The following ARHGAP31 variants were observed in gnomAD, a reference collection of about 807,000 sequenced individuals.
ARHGAP31 encodes rho GTPase-activating protein 31.
Under a neutral mutation model 113.9 loss-of-function variants are expected in ARHGAP31, and 34 were observed. That is an observed-to-expected ratio of 0.30 (90% CI 0.23 to 0.40). The LOEUF (loss-of-function observed/expected upper bound fraction) is 0.40, where lower values mean the gene tolerates loss of function less well. ARHGAP31 is among the 10% of genes least tolerant of loss of function. The pLI, the probability that ARHGAP31 is intolerant of heterozygous loss-of-function variation, is 1.00. For missense variants in ARHGAP31, 1,548 were observed against 1,767.1 expected, an observed-to-expected ratio of 0.88 and a Z score of 2.22; for synonymous variants, 650 against 684.8, an observed-to-expected ratio of 0.95 and a Z score of 0.79.
intron 11 of ARHGAP31, among the ~76,000 whole-genome samples, chr3:119,413,080 G>A (rs9682806): frequency 0.059 from 8,936 of 152,144 alleles, 295 homozygotes; most frequent in Non-Finnish European, 0.074. Context: ...CACTTTGGGA[G>A]GCCAAGGTGG....
rs1211864993 is a variant in ARHGAP31 at position 119,415,721 on chromosome 3, G to T, written c.3792G>T (p.Lys1264Asn). 1.9e-6 allele frequency: 3 copies of T among 1,613,936 alleles called. No individual in the cohort carries two copies. In the East Asian group the frequency reaches 6.7e-5, roughly 36 times the overall value. ...AAAGCTCAAAGGAAGAAAAACCAAAGCAAGATCCCGGAGCCATTAAGTCCT... is the reference window on the plus strand; with the variant it reads ...AAAGCTCAAAGGAAGAAAAACCAAATCAAGATCCCGGAGCCATTAAGTCCT... The part of the protein sequence containing the change: ...SLESSKEEKP[K>N]QDPGAIKSSP... Residue 1264 changes from lysine to asparagine, a missense_variant, in exon 12 of 12, where the codon AAG (lysine) becomes AAT (asparagine). By Grantham distance (94) the Lys-to-Asn change is moderately conservative (BLOSUM62 0). Transcript: ENST00000264245.
chr3:119,345,112 G>GT (rs1293191936), intron 1 of ARHGAP31, among the ~76,000 whole-genome samples: 1 of 151,664 alleles, frequency 6.6e-6, no homozygotes. Context: ...AGCCTCCTGA[G>GT]TAACTGGGAC....
intron 1 of ARHGAP31, among the ~76,000 whole-genome samples, chr3:119,336,371 GT>G (rs2079947232): frequency 7.0e-6 from 1 of 142,454 alleles, no homozygotes; most frequent in Admixed American, 7.0e-5. Flanking sequence ...ACATCAGCCA[GT>G]CGCTAGATGG....
In ARHGAP31 at chr3:119,324,106, G is replaced by A. The variant is rs568985484; in HGVS notation, c.100+29102G>A. On this transcript the variant is annotated intron_variant, in intron 1 of 11. Coordinates refer to ENST00000264245, the MANE Select transcript of ARHGAP31 (RefSeq NM_020754.4). ...CTACACCGAAGGGGTGAAGTCCTGGGACTCTGTTATGCCCATCTGTATGTA... is the reference window on the plus strand; with the variant it reads ...CTACACCGAAGGGGTGAAGTCCTGGAACTCTGTTATGCCCATCTGTATGTA... 2.0e-5 allele frequency among the ~76,000 whole-genome samples: 3 copies of A among 152,188 alleles called. No homozygotes were observed. The South Asian group carries it at 6.2e-4, about 32-fold the overall frequency.
intron 6 of ARHGAP31, among the ~76,000 whole-genome samples, chr3:119,387,819 A>G (rs1003511827): frequency 6.6e-6 from 1 of 152,236 alleles, no homozygotes; most frequent in Admixed American, 6.5e-5. Context: ...AAGGATATAT[A>G]AGTTTACAAA....
Position 119,414,936 on chromosome 3 carries a change from G to A in ARHGAP31, c.3007G>A (p.Ala1003Thr), listed in dbSNP as rs761910919. ...AGAGATTACTGGATGGGATGAGAAA[G>A]CCCTGAGGTCCTTCAGAGAGTTCTC... ...RREITGWDEKALRSFREFSGL... is the reference protein window; with the variant it reads ...RREITGWDEKTLRSFREFSGL... The change falls in exon 12 of 12, where the codon GCC becomes ACC. Residue 1003 changes from alanine to threonine, a missense_variant. By Grantham distance (58) the Ala-to-Thr change is moderately conservative (BLOSUM62 0). Coordinates refer to ENST00000264245, the MANE Select transcript of ARHGAP31 (RefSeq NM_020754.4). 1.9e-6 allele frequency: 3 copies of A among 1,614,082 alleles called. No homozygotes were observed. Among genetic ancestry groups the A allele is most frequent in the African/African-American group, 2.7e-5 (2 of 74,938 alleles).
chr3:119,329,570 C>T (rs968623772), intron 1 of ARHGAP31, among the ~76,000 whole-genome samples: 3 of 152,220 alleles, frequency 2.0e-5, no homozygotes, highest in Admixed American at 2.0e-4. Flanking sequence ...TTTCTCCCCT[C>T]CTCCTTTGCA....
intron 1 of ARHGAP31, among the ~76,000 whole-genome samples, chr3:119,337,204 A>G (rs917460478): frequency 2.6e-5 from 4 of 152,042 alleles, no homozygotes; most frequent in African/African-American, 9.7e-5. Context: ...GTTTATCTGG[A>G]GTTTGTTCCT....
At chr3:119,326,841 T>G (rs1401574891) in intron 1 of ARHGAP31, among the ~76,000 whole-genome samples, 1 of 152,188 alleles carries the variant, frequency 6.6e-6, no homozygotes, top group African/African-American at 2.4e-5. Context: ...CCTTTGTGGC[T>G]TAAAGCTCAA....
chr3:119,393,683 G>T, intron 8 of ARHGAP31, 92 bp downstream of exon 8: 7 of 1,486,136 alleles, frequency 4.7e-6, no homozygotes, highest in Non-Finnish European at 6.5e-6. Context: ...AAACACACTA[G>T]CTCTGAAAGA....
chr3:119,391,348 AC>A (rs912461734), intron 7 of ARHGAP31, among the ~76,000 whole-genome samples: 10 of 151,842 alleles, frequency 6.6e-5, no homozygotes, highest in Admixed American at 2.0e-4. Context: ...CAAAACTTCG[AC>A]CCCCTCCCCG....
chr3:119,396,633 C>T (rs992566971), intron 8 of ARHGAP31, among the ~76,000 whole-genome samples: 4 of 152,098 alleles, frequency 2.6e-5, no homozygotes, highest in East Asian at 1.9e-4. Flanking sequence ...GTAAGTGGCA[C>T]GTGAGCTTGC....
At chr3:119,371,809 T>C (rs2080300530) in intron 3 of ARHGAP31, among the ~76,000 whole-genome samples, 1 of 152,198 alleles carries the variant, frequency 6.6e-6, no homozygotes, top group Non-Finnish European at 1.5e-5. Context: ...TCCCTTTGTG[T>C]CCATGTGTTC....
chr3:119,296,161 C>A (rs1159949980), intron 1 of ARHGAP31, among the ~76,000 whole-genome samples: 2 of 152,190 alleles, frequency 1.3e-5, no homozygotes, highest in South Asian at 4.1e-4. Context: ...TTTTGTTTCA[C>A]TTCTGTGTTT....
intron 1 of ARHGAP31, among the ~76,000 whole-genome samples, chr3:119,332,625 TCTCTCTCTCTCA>T (rs1285960516): frequency 4.2e-5 from 5 of 119,758 alleles, no homozygotes; most frequent in African/African-American, 1.9e-4. Flanking sequence ...TCTCTCTCTC[TCTCTCTCTCTCA>T]CACACACACA....
At chr3:119,374,822 C>T (rs1009991845) in intron 3 of ARHGAP31, among the ~76,000 whole-genome samples, 1 of 152,146 alleles carries the variant, frequency 6.6e-6, no homozygotes, top group African/African-American at 2.4e-5. Flanking sequence ...AGAAATTGCC[C>T]AGTCTCAGGT....
rs538589571 is a variant in ARHGAP31 at position 119,398,966 on chromosome 3, G to A, written c.1007-233G>A. On this transcript the variant is annotated intron_variant, in intron 8 of 11. Coordinates refer to ENST00000264245, the MANE Select transcript of ARHGAP31 (RefSeq NM_020754.4). ...GACAAAATTGCAATTTACCTTTATT[G>A]TAAAATATTAATAAAACTTTGATCT... Among the ~76,000 whole-genome samples the A allele has an allele frequency of 9.9e-5, 15 of 152,250 alleles. No individual in the cohort carries two copies. In the South Asian group the frequency reaches 2.7e-3, roughly 27 times the overall value.
intron 3 of ARHGAP31, among the ~76,000 whole-genome samples, chr3:119,377,976 G>A (rs766575959): frequency 6.6e-4 from 101 of 152,254 alleles, no homozygotes; most frequent in Non-Finnish European, 1.0e-3. Flanking sequence ...CAGGGACTGT[G>A]GTGGCTTTGA....
intron 8 of ARHGAP31, among the ~76,000 whole-genome samples, chr3:119,398,650 G>A (rs980505947): frequency 6.6e-6 from 1 of 152,192 alleles, no homozygotes; most frequent in African/African-American, 2.4e-5. Flanking sequence ...GGTTTTACTG[G>A]AATCTGTTCA....
Sources: gnomAD v4.1 joint callset for allele counts (sites outside exome capture counted in the v4.1 genomes callset) on GRCh38, gnomAD v4.1.1 for gene constraint, MANE v1.5 for transcripts, NCBI Gene and HGNC (gene_info 2026-07-23, HGNC 2026-07-21) for gene names.